ZFP90: variants seen among roughly 807,000 people sequenced by gnomAD.
ZFP90 encodes the protein ZFP90 zinc finger protein, also known as zinc finger protein 90 homolog.
In ZFP90, 38 loss-of-function variants were observed where a neutral mutation model predicts 60.8. The observed-to-expected ratio is 0.62, with a 90% CI of 0.48 to 0.82. ZFP90 has a LOEUF of 0.82. Ranked by LOEUF, ZFP90 falls within the 40% of genes least tolerant of loss-of-function variation. The pLI is 0.00. For missense variants in ZFP90, 711 were observed against 759.1 expected, an observed-to-expected ratio of 0.94 and a Z score of 0.74; for synonymous variants, 287 against 264.8, an observed-to-expected ratio of 1.08 and a Z score of -0.82.
chr16:68,552,235 A>G (rs925850823), intron 2 of ZFP90, among the ~76,000 whole-genome samples: 5 of 152,186 alleles, frequency 3.3e-5, no homozygotes, highest in African/African-American at 1.2e-4. Context: ...CCAAGAGTGC[A>G]TTTTACCTAT....
intron 4 of ZFP90, 122 bp from the exon 5 acceptor site, chr16:68,562,922 G>A: frequency 6.5e-7 from 1 of 1,547,356 alleles, no homozygotes; most frequent in Admixed American, 2.0e-5. Context: ...CGTCTTCTCA[G>A]GATACAGGAG....
At chr16:68,573,901 T>A (rs1597761919) in intron 2 of ZFP90, 1 of 152,306 alleles carries the variant, frequency 6.6e-6, no homozygotes, top group Admixed American at 6.5e-5. Context: ...TCCCTCGCAG[T>A]CGCTTTTGGT....
intron 2 of ZFP90, among the ~76,000 whole-genome samples, chr16:68,574,418 T>TA: frequency 6.6e-6 from 1 of 151,388 alleles, no homozygotes; most frequent in South Asian, 2.1e-4. Context: ...AGTGGGGAGT[T>TA]ATACTCCCAA....
At chr16:68,559,661 G>C (rs914459961) in intron 4 of ZFP90, among the ~76,000 whole-genome samples, 2 of 151,602 alleles carry the variant, frequency 1.3e-5, no homozygotes, top group Non-Finnish European at 2.9e-5. Context: ...TCTGCCTCCC[G>C]GGCTCAAGCA....
At chr16:68,544,172 G>A (rs568830517) in intron 2 of ZFP90, among the ~76,000 whole-genome samples, 1 of 152,234 alleles carries the variant, frequency 6.6e-6, no homozygotes, top group African/African-American at 2.4e-5. Flanking sequence ...TTCATAACAT[G>A]TGTACTACAT....
intron 4 of ZFP90, chr16:68,562,795 C>T: frequency 2.6e-6 from 2 of 763,482 alleles, no homozygotes; most frequent in Non-Finnish European, 2.1e-6. Context: ...CACTTATTTC[C>T]TTATTTTCTA....
chr16:68,573,420 G>T (rs2091577877), intron 2 of ZFP90, among the ~76,000 whole-genome samples: 1 of 152,232 alleles, frequency 6.6e-6, no homozygotes. Flanking sequence ...CCAGGCTACA[G>T]TGAGCCATGA....
chr16:68,565,494 C>T lies in ZFP90; in HGVS notation c.*796C>T, dbSNP rs942369921. 1.0e-6 allele frequency: 1 copy of T among 985,422 alleles called. No homozygotes were observed. Among genetic ancestry groups the T allele is most frequent in the Non-Finnish European group, 1.2e-6 (1 of 829,924 alleles). The allele number at this position is 985,422 out of a possible 1,614,324, so 61.0% of individuals were successfully genotyped here. A position where few individuals can be genotyped will look rare whatever the true frequency, so the allele number is the denominator to read the frequency against. On this transcript the variant is annotated 3_prime_UTR_variant, in exon 5 of 5. Transcript: ENST00000563169. Reference sequence around the variant, plus strand: ...AAGCAACTTCTTGGAGGCTTACAAACCACAATTTAACAGAAACTGTAGATG... The same window carrying T: ...AAGCAACTTCTTGGAGGCTTACAAATCACAATTTAACAGAAACTGTAGATG...
At chr16:68,542,506 G>A (rs573339001) in intron 2 of ZFP90, among the ~76,000 whole-genome samples, 127 of 152,162 alleles carry the variant, frequency 8.3e-4, no homozygotes, top group African/African-American at 3.0e-3. Context: ...CAGGAGAATC[G>A]CTTGAACCTG....
intron 2 of ZFP90, among the ~76,000 whole-genome samples, chr16:68,541,593 G>A (rs150259341): frequency 0.037 from 5,604 of 152,078 alleles, 166 homozygotes; most frequent in South Asian, 0.081. Flanking sequence ...CACCGGGCCC[G>A]GCCTGCGTTT....
In ZFP90 at chr16:68,565,299, A is replaced by T; in HGVS notation, c.*601A>T. 5.1e-6 allele frequency: 5 copies of T among 985,574 alleles called. No homozygotes were observed. Among genetic ancestry groups the T allele is most frequent in the Non-Finnish European group, 6.0e-6 (5 of 829,950 alleles). 61.1% of individuals were successfully genotyped at this position (985,574 alleles called of 1,614,324 possible). Reference sequence around the variant, plus strand: ...GCAGGTTTCCTGGATTTGGGGCCCCATGGCCTTGCCAGTGAAAAGGTTATT... The same window carrying T: ...GCAGGTTTCCTGGATTTGGGGCCCCTTGGCCTTGCCAGTGAAAAGGTTATT... On this transcript the variant is annotated 3_prime_UTR_variant, in exon 5 of 5. Coordinates refer to ENST00000563169, the MANE Select transcript of ZFP90 (RefSeq NM_001305203.2).
At chr16:68,541,391 C>T (rs530878213) in intron 2 of ZFP90, among the ~76,000 whole-genome samples, 4 of 151,714 alleles carry the variant, frequency 2.6e-5, no homozygotes, top group African/African-American at 7.3e-5. Flanking sequence ...GATTTGAATT[C>T]CTAAGCTCAA....
intron 4 of ZFP90, among the ~76,000 whole-genome samples, chr16:68,559,489 A>C (rs1310393179): frequency 6.6e-6 from 1 of 152,090 alleles, no homozygotes; most frequent in Non-Finnish European, 1.5e-5. Flanking sequence ...TTTTCTTCCT[A>C]TGAGAAGTAG....
chr16:68,567,220 A>G, downstream of ZFP90: 4 of 943,156 alleles, frequency 4.2e-6, no homozygotes, highest in Non-Finnish European at 5.1e-6. Context: ...TGCTAAACTC[A>G]TCACAGCCAG....
chr16:68,550,827 G>A (rs937837813), intron 2 of ZFP90, among the ~76,000 whole-genome samples: 1 of 152,178 alleles, frequency 6.6e-6, no homozygotes, highest in Non-Finnish European at 1.5e-5. Context: ...TGAAGGCAAG[G>A]GACTGAATTC....
exon 3 of ZFP90, chr16:68,575,870 T>G (rs1421202183): frequency 7.5e-6 from 3 of 398,308 alleles, no homozygotes; most frequent in African/African-American, 6.2e-5. Context: ...GAAAGAATCC[T>G]GAGTGATGTC....
intron 1 of ZFP90, 113 bp from the exon 2 acceptor site, chr16:68,539,645 T>G: frequency 3.6e-6 from 3 of 831,630 alleles, no homozygotes; most frequent in Non-Finnish European, 5.1e-6. Flanking sequence ...GGTTCCACGG[T>G]CCTCGCCACC....
At chr16:68,541,798 T>C (rs2091054957) in intron 2 of ZFP90, among the ~76,000 whole-genome samples, 1 of 152,162 alleles carries the variant, frequency 6.6e-6, no homozygotes, top group Non-Finnish European at 1.5e-5. Flanking sequence ...TAACACCTCA[T>C]CAGGGACTCT....
In ZFP90 at chr16:68,564,935, C is replaced by G. The variant is rs1188883362; in HGVS notation, c.*237C>G. On this transcript the variant is annotated 3_prime_UTR_variant, in exon 5 of 5. Transcript: ENST00000563169. Reference sequence around the variant, plus strand: ...TATGTAGCTGGTTGGGGATGATATGCCTGTATGTTGGACTTTGCTTTTGAA... The same window carrying G: ...TATGTAGCTGGTTGGGGATGATATGGCTGTATGTTGGACTTTGCTTTTGAA... The G allele has an allele frequency of 7.9e-7, 1 of 1,265,062 alleles. No individual in the cohort carries two copies. The highest frequency in any genetic ancestry group is 9.9e-7 in the Non-Finnish European group (1 of 1,006,716). The allele number at this position is 1,265,062 out of a possible 1,614,324, so 78.4% of individuals were successfully genotyped here.
Sources: allele counts gnomAD v4.1 joint callset (sites outside exome capture counted in the v4.1 genomes callset), GRCh38; gene constraint gnomAD v4.1.1; transcripts MANE v1.5; gene names NCBI Gene and HGNC (gene_info 2026-07-23, HGNC 2026-07-21).